The following GUCY1A2 variants were observed in gnomAD, a reference collection of about 807,000 sequenced individuals.
The protein encoded by GUCY1A2 is guanylate cyclase soluble subunit alpha-2.
Under a neutral mutation model 63.5 loss-of-function variants are expected in GUCY1A2, and 27 were observed. That is an observed-to-expected ratio of 0.43 (90% CI 0.31 to 0.59). The LOEUF is 0.59. Among genes scored for constraint, GUCY1A2 ranks in the 20% least tolerant of loss-of-function variants. The probability of loss-of-function intolerance (pLI) is 0.11; values close to 1 mark genes in which losing one functional copy is unlikely to be tolerated. For missense variants in GUCY1A2, 768 were observed against 913.3 expected, an observed-to-expected ratio of 0.84 and a Z score of 2.05; for synonymous variants, 364 against 343.5, an observed-to-expected ratio of 1.06 and a Z score of -0.66.
intron 5 of GUCY1A2, 37 bp downstream of exon 5, chr11:106,809,956 A>T: frequency 7.4e-7 from 1 of 1,352,876 alleles, no homozygotes; most frequent in Non-Finnish European, 1.0e-6. Flanking sequence ...ATTTACTATT[A>T]AAAAACATTT....
chr11:106,782,332 G>A lies in GUCY1A2; in HGVS notation c.1693-5750C>T, dbSNP rs114714038. Among the ~76,000 whole-genome samples, 1,241 of 152,310 alleles carry A rather than the reference G, an allele frequency of 8.1e-3. 19 individuals carry two copies. Among genetic ancestry groups the A allele is most frequent in the African/African-American group, 0.027 (1,108 of 41,560 alleles). On this transcript the variant is annotated intron_variant, in intron 5 of 7. Coordinates refer to ENST00000526355, the MANE Select transcript of GUCY1A2 (RefSeq NM_000855.3). ...GCCTTAAAAAGAGACAGAGAGAGAA[G>A]AGATATTGGAATAAGATGTAGGCAG... is the stretch of plus-strand genomic sequence containing the variant.
chr11:106,934,499 T>C (rs1591333428), intron 4 of GUCY1A2, among the ~76,000 whole-genome samples: 1 of 152,262 alleles, frequency 6.6e-6, no homozygotes, highest in Non-Finnish European at 1.5e-5. Context: ...ACTTAAAAAC[T>C]TTTCAATCAT....
intron 6 of GUCY1A2, among the ~76,000 whole-genome samples, chr11:106,734,413 A>T (rs370577848): frequency 1.2e-4 from 19 of 152,202 alleles, no homozygotes; most frequent in South Asian, 6.2e-4. Flanking sequence ...TCTTTTATGT[A>T]CCCTTTTACA....
Position 106,679,081 on chromosome 11 carries a change from T to C in GUCY1A2, c.*8468A>G, listed in dbSNP as rs1397158631. On this transcript the variant is annotated 3_prime_UTR_variant, in exon 8 of 8. Coordinates refer to ENST00000526355, the MANE Select transcript of GUCY1A2 (RefSeq NM_000855.3). ...ATTCTAAGTTTTGGATATGAGTGAG[T>C]TGACTCTTTCAGGACAATAAATCTT... The C allele has an allele frequency of 5.4e-6, 1 of 185,794 alleles. No homozygotes were observed. The highest frequency in any genetic ancestry group is 1.1e-5 in the Non-Finnish European group (1 of 87,816). The allele number at this position is 185,794 out of a possible 1,614,324, so 11.5% of individuals were successfully genotyped here.
At chr11:106,878,727 T>C (rs1230588311) in intron 4 of GUCY1A2, among the ~76,000 whole-genome samples, 2 of 148,174 alleles carry the variant, frequency 1.3e-5, no homozygotes, top group African/African-American at 2.5e-5. Flanking sequence ...AAATCCCCCA[T>C]GATATGAGTT....
chr11:106,789,475 G>A (rs1490810643), intron 5 of GUCY1A2, among the ~76,000 whole-genome samples: 1 of 152,094 alleles, frequency 6.6e-6, no homozygotes, highest in East Asian at 1.9e-4. Context: ...TGTTTCTCCA[G>A]GATTAGTCGC....
chr11:106,969,383 T>G (rs1010952915), intron 3 of GUCY1A2, among the ~76,000 whole-genome samples: 1 of 152,194 alleles, frequency 6.6e-6, no homozygotes, highest in Non-Finnish European at 1.5e-5. Flanking sequence ...AAATTTGTAG[T>G]TGAGTCAGAG....
chr11:106,732,610 TAAAAC>T (rs572715106), intron 6 of GUCY1A2, among the ~76,000 whole-genome samples: 87 of 152,242 alleles, frequency 5.7e-4, no homozygotes, highest in South Asian at 1.5e-3. Context: ...ATCCTTGAAA[TAAAAC>T]AAAACAAAAT....
At chr11:106,875,486 C>T (rs770791157) in intron 4 of GUCY1A2, among the ~76,000 whole-genome samples, 3 of 152,120 alleles carry the variant, frequency 2.0e-5, no homozygotes, top group Non-Finnish European at 4.4e-5. Context: ...ATCCAGGGCT[C>T]AAATCATCTC....
intron 6 of GUCY1A2, among the ~76,000 whole-genome samples, chr11:106,721,839 A>C (rs112611130): frequency 7.2e-5 from 11 of 152,230 alleles, no homozygotes; most frequent in African/African-American, 2.7e-4. Flanking sequence ...GTGGGCTTCA[A>C]GGCATCCTCC....
chr11:106,925,073 G>C (rs1386598887), intron 4 of GUCY1A2, among the ~76,000 whole-genome samples: 1 of 151,834 alleles, frequency 6.6e-6, no homozygotes, highest in Non-Finnish European at 1.5e-5. Context: ...TCTTTGAAAG[G>C]GTAGGAAGAA....
chr11:106,956,214 T>C (rs1408754289), intron 3 of GUCY1A2, among the ~76,000 whole-genome samples: 1 of 151,928 alleles, frequency 6.6e-6, no homozygotes, highest in African/African-American at 2.4e-5. Context: ...CTTCGTTGCA[T>C]TGGGTTAGAA....
chr11:106,860,762 G>C (rs1859500648), intron 4 of GUCY1A2, among the ~76,000 whole-genome samples: 2 of 152,148 alleles, frequency 1.3e-5, no homozygotes, highest in African/African-American at 2.4e-5. Context: ...AGGTGCCAAT[G>C]TCTATCCTTT....
At chr11:106,902,074 G>A (rs1860141985) in intron 4 of GUCY1A2, among the ~76,000 whole-genome samples, 1 of 152,144 alleles carries the variant, frequency 6.6e-6, no homozygotes. Context: ...CTTGAAAGTT[G>A]AAATAACTCC....
chr11:106,943,909 TA>T (rs555268378), intron 3 of GUCY1A2, among the ~76,000 whole-genome samples: 4 of 151,588 alleles, frequency 2.6e-5, no homozygotes, highest in Non-Finnish European at 5.9e-5. Flanking sequence ...GAGACTTAAA[TA>T]AAAAAACAGG....
chr11:107,018,176 GGT>G lies in GUCY1A2; in HGVS notation c.-123_-122del. The G allele has an allele frequency of 2.4e-6, 1 of 420,700 alleles. No homozygotes were observed. Among genetic ancestry groups the G allele is most frequent in the Non-Finnish European group, 3.6e-6 (1 of 276,418 alleles). 26.1% of individuals were successfully genotyped at this position (420,700 alleles called of 1,614,324 possible). On this transcript the variant is annotated 5_prime_UTR_variant, in exon 1 of 8. It removes the in-frame stop codon of an upstream open reading frame in the 5' UTR. Coordinates refer to ENST00000526355, the MANE Select transcript of GUCY1A2 (RefSeq NM_000855.3). ...GCGCGTCGGGGCCGCGGGGCGCTGC[GGT>G]CGCGCCCGGCGGGGCGGGAGTCCCC...
At chr11:106,783,656 C>T (rs1374208975) in intron 5 of GUCY1A2, among the ~76,000 whole-genome samples, 1 of 152,098 alleles carries the variant, frequency 6.6e-6, no homozygotes, top group East Asian at 1.9e-4. Context: ...AAAGGAAATC[C>T]CACTTGTCCA....
intron 6 of GUCY1A2, among the ~76,000 whole-genome samples, chr11:106,737,163 T>C (rs980819956): frequency 1.2e-4 from 19 of 152,276 alleles, no homozygotes; most frequent in East Asian, 5.8e-4. Context: ...GAACAAAAAT[T>C]TATCAGTTTT....
intron 4 of GUCY1A2, among the ~76,000 whole-genome samples, chr11:106,862,033 C>A (rs1591305711): frequency 6.6e-6 from 1 of 152,020 alleles, no homozygotes; most frequent in South Asian, 2.1e-4. Context: ...ATGAAAAATG[C>A]AAAATTATGT....
Sources: allele counts gnomAD v4.1 joint callset (sites outside exome capture counted in the v4.1 genomes callset), GRCh38; gene constraint gnomAD v4.1.1; transcripts MANE v1.5; gene names NCBI Gene and HGNC (gene_info 2026-07-23, HGNC 2026-07-21).